The following NCOA7 variants were observed in gnomAD, a reference collection of about 807,000 sequenced individuals.
NCOA7 encodes 140 kDa estrogen receptor-associated protein.
In NCOA7, 45 loss-of-function variants were observed where a neutral mutation model predicts 104.3. The ratio of observed to expected loss-of-function variants is 0.43; its 90% CI spans 0.34 to 0.55. NCOA7 has a LOEUF of 0.55. Ranked by LOEUF, NCOA7 falls within the 20% of genes least tolerant of loss-of-function variation. The pLI is 0.02. For missense variants in NCOA7, 1,041 were observed against 1,119.7 expected (o/e 0.93, Z 1.00); for synonymous variants, 398 against 402.3 (o/e 0.99, Z 0.13).
intron 2 of NCOA7, among the ~76,000 whole-genome samples, chr6:125,826,355 T>A (rs1778658884): frequency 6.6e-6 from 1 of 151,474 alleles, no homozygotes; most frequent in Non-Finnish European, 1.5e-5. Context: ...AAAAAGCGCA[T>A]TATTTTAATG....
At chr6:125,858,182 C>T (rs1474586672) in intron 3 of NCOA7, among the ~76,000 whole-genome samples, 2 of 151,496 alleles carry the variant, frequency 1.3e-5, no homozygotes, top group East Asian at 3.9e-4. Context: ...TGTGTAGTGT[C>T]TTCAGCTTGA....
chr6:125,879,441 C>A (rs1208729900), intron 5 of NCOA7, among the ~76,000 whole-genome samples: 1 of 152,162 alleles, frequency 6.6e-6, no homozygotes, highest in Admixed American at 6.5e-5. Context: ...ACTTTTATGG[C>A]CCACTTCTTA....
At chr6:125,918,911 T>C (rs1306009150) in intron 11 of NCOA7, among the ~76,000 whole-genome samples, 1 of 151,430 alleles carries the variant, frequency 6.6e-6, no homozygotes, top group Admixed American at 6.6e-5. Flanking sequence ...CGTACCATTT[T>C]AAATGGAGCT....
Position 125,882,474 on chromosome 6 carries a change from TCGTCTA to T in NCOA7, c.624_629del (p.Thr210_Ser211del), listed in dbSNP as rs1196277570. The T allele has an allele frequency of 2.7e-5, 44 of 1,613,760 alleles. No homozygotes were observed. The highest frequency in any genetic ancestry group is 3.4e-5 in the Non-Finnish European group (40 of 1,179,874). On this transcript the variant is annotated inframe_deletion, in exon 7 of 16. Coordinates refer to ENST00000392477, the MANE Select transcript of NCOA7 (RefSeq NM_181782.5). ...CTTGAAACCCATTGAAAGAGTCTTATCGTCTACTTCTGAAGAAGATGAGCCAGGTGT... is the reference window on the plus strand; with the variant it reads ...CTTGAAACCCATTGAAAGAGTCTTATCTTCTGAAGAAGATGAGCCAGGTGT...
At chr6:125,830,716 A>G (rs1180261219) in intron 2 of NCOA7, among the ~76,000 whole-genome samples, 1 of 143,780 alleles carries the variant, frequency 7.0e-6, no homozygotes, top group Non-Finnish European at 1.5e-5. Flanking sequence ...CTCTCTCTAT[A>G]TATTTTATAT....
At chr6:125,797,069 T>C (rs149491848) in intron 1 of NCOA7, among the ~76,000 whole-genome samples, 20 of 152,262 alleles carry the variant, frequency 1.3e-4, no homozygotes, top group Non-Finnish European at 2.4e-4. Flanking sequence ...TCTGGGAGAG[T>C]GTCTTTTATT....
At chr6:125,815,482 C>T (rs1044115322) in intron 2 of NCOA7, 78 bp downstream of exon 2, 5 of 1,213,578 alleles carry the variant, frequency 4.1e-6, no homozygotes, top group African/African-American at 1.5e-5. Flanking sequence ...AGTATTACTT[C>T]GCATTTTGTG....
intron 2 of NCOA7, among the ~76,000 whole-genome samples, chr6:125,830,360 C>CT (rs1266203407): frequency 2.0e-5 from 3 of 152,066 alleles, no homozygotes; most frequent in Non-Finnish European, 4.4e-5. Context: ...TTTTCAGATT[C>CT]TTTGCCATCT....
intron 2 of NCOA7, among the ~76,000 whole-genome samples, chr6:125,834,959 G>C (rs1419565180): frequency 6.6e-6 from 1 of 152,188 alleles, no homozygotes; most frequent in Non-Finnish European, 1.5e-5. Context: ...TGTGGCAATA[G>C]CAGGCTGGTT....
chr6:125,883,595 C>T (rs560076854), intron 7 of NCOA7, among the ~76,000 whole-genome samples: 8 of 152,052 alleles, frequency 5.3e-5, no homozygotes, highest in Non-Finnish European at 1.0e-4. Context: ...TACCTACTTT[C>T]TGTCTTTCTG....
chr6:125,927,897 A>G (rs1268269043), intron 14 of NCOA7, 139 bp downstream of exon 14: 7 of 769,314 alleles, frequency 9.1e-6, no homozygotes, highest in Non-Finnish European at 4.4e-6. Flanking sequence ...TTATGACTGT[A>G]GCTCGCAAAC....
chr6:125,904,596 C>G (rs945042427), intron 10 of NCOA7, among the ~76,000 whole-genome samples: 1 of 152,140 alleles, frequency 6.6e-6, no homozygotes, highest in Non-Finnish European at 1.5e-5. Context: ...TTAACCATGG[C>G]CCCTGGGAAG....
intron 1 of NCOA7, among the ~76,000 whole-genome samples, chr6:125,806,875 T>C (rs1282497295): frequency 6.6e-6 from 1 of 152,238 alleles, no homozygotes; most frequent in Non-Finnish European, 1.5e-5. Context: ...GTAGGTTACA[T>C]GATCTATGAA....
chr6:125,791,574 C>G (rs1470618776), intron 1 of NCOA7, among the ~76,000 whole-genome samples: 2 of 152,154 alleles, frequency 1.3e-5, no homozygotes, highest in Non-Finnish European at 2.9e-5. Context: ...TGGGGCAAAC[C>G]CTTACCGTCA....
upstream of NCOA7, among the ~76,000 whole-genome samples, chr6:125,787,769 G>A (rs1480541621): frequency 1.3e-5 from 2 of 152,314 alleles, no homozygotes; most frequent in East Asian, 3.9e-4. Context: ...ACAGTGAAAA[G>A]TGTTAGGGAT....
At position 125,855,028 on chromosome 6, in the gene NCOA7, A is replaced by G; in HGVS notation, c.59A>G (p.Lys20Arg). 4 of 1,601,142 alleles carry G rather than the reference A, an allele frequency of 2.5e-6. No individual in the cohort carries two copies. In the South Asian group the frequency reaches 4.5e-5, roughly 18 times the overall value. The change falls in exon 3 of 16, where the codon AAG becomes AGG. Residue 20 changes from lysine to arginine, a missense_variant. By Grantham distance (26) the Lys-to-Arg change is conservative (BLOSUM62 2). Transcript: ENST00000392477. ...RKQSYFARLK[K>R]KKQAKQNAET... ...TTTTCCCTCTTTCCTAGACTGAAAAAGAAAAAACAAGCCAAACAAAATGCA... is the reference window on the plus strand; with the variant it reads ...TTTTCCCTCTTTCCTAGACTGAAAAGGAAAAAACAAGCCAAACAAAATGCA...
At chr6:125,849,825 T>G (rs1036881071) in intron 2 of NCOA7, among the ~76,000 whole-genome samples, 2 of 152,196 alleles carry the variant, frequency 1.3e-5, no homozygotes, top group African/African-American at 4.8e-5. Context: ...CCACTTGTAC[T>G]CACAGCAATC....
intron 1 of NCOA7, among the ~76,000 whole-genome samples, chr6:125,805,278 A>G (rs989636981): frequency 1.4e-4 from 22 of 151,810 alleles, no homozygotes; most frequent in African/African-American, 5.1e-4. Context: ...TATTTTTAGT[A>G]GAGATGAGGT....
At chr6:125,807,384 G>A (rs144952233) in intron 1 of NCOA7, among the ~76,000 whole-genome samples, 1 of 152,288 alleles carries the variant, frequency 6.6e-6, no homozygotes, top group East Asian at 1.9e-4. Context: ...AAAAGGGTAT[G>A]ACAGACTATT....
Sources: allele counts gnomAD v4.1 joint callset (sites outside exome capture counted in the v4.1 genomes callset), GRCh38; gene constraint gnomAD v4.1.1; transcripts MANE v1.5; gene names NCBI Gene and HGNC (gene_info 2026-07-23, HGNC 2026-07-21).